TBC1D9B: variants seen among roughly 807,000 people sequenced by gnomAD.
TBC1D9B encodes TBC1 domain family member 9B.
TBC1D9B carries 87 observed loss-of-function variants against 121.1 expected under a neutral mutation model. That is an observed-to-expected ratio of 0.72 (90% CI 0.60 to 0.86). The LOEUF is 0.86. Among genes scored for constraint, TBC1D9B ranks in the 40% least tolerant of loss-of-function variants. The pLI is 0.00. For missense variants in TBC1D9B, 1,540 were observed against 1,628.6 expected (o/e 0.95, Z 0.94); for synonymous variants, 668 against 670.1 (o/e 1.00, Z 0.05).
At chr5:179,892,827 G>A (rs2113638309) in intron 5 of TBC1D9B, among the ~76,000 whole-genome samples, 2 of 152,332 alleles carry the variant, frequency 1.3e-5, no homozygotes, top group Middle Eastern at 6.8e-3. Context: ...AGAACACCCT[G>A]GCTGAGGTGG....
chr5:179,875,045 G>A lies in TBC1D9B; in HGVS notation c.2043C>T (p.Phe681=), dbSNP rs373049885. 12 of 1,614,118 alleles carry A rather than the reference G, an allele frequency of 7.4e-6. No individual in the cohort carries two copies. Among genetic ancestry groups the A allele is most frequent in the South Asian group, 5.5e-5 (5 of 91,088 alleles). Residue 681 remains phenylalanine (F), a synonymous_variant, in exon 12 of 21, where the codon TTC becomes TTT. Transcript: ENST00000355235. This position sits in a 1 kb window ranked among gnomAD's most constrained non-coding sequence, Gnocchi z 4.5. ...AGTCGACGATGACCACGGCGCTCTCGAAGGGCATGACGCTGAGGAAGAGGG... is the reference window on the plus strand; with the variant it reads ...AGTCGACGATGACCACGGCGCTCTCAAAGGGCATGACGCTGAGGAAGAGGG... ...FLTLFLSVMP[F]ESAVVIVDCF... is the part of the protein sequence containing the mutation.
rs1366160433 is a variant in TBC1D9B, at chr5:179,904,259, G to C, written c.229+443C>G. Among the ~76,000 whole-genome samples the C allele has an allele frequency of 1.3e-4, 17 of 130,462 alleles. No homozygotes were observed. The highest frequency in any genetic ancestry group is 5.3e-4 in the African/African-American group (17 of 31,894). 85.6% of individuals were successfully genotyped at this position (130,462 alleles called of 152,430 possible). ...TTTTTTTTTGAGACGGAATCTCGCT[G>C]TGTCGCCCAGGCTGGAGTGCAGTGG... On this transcript the variant is annotated intron_variant, in intron 2 of 20. Transcript: ENST00000355235. The surrounding 1 kb of genome is among the most constrained non-coding windows in gnomAD (Gnocchi z 4.2).
chr5:179,894,652 A>G lies in TBC1D9B; in HGVS notation c.349-38T>C, dbSNP rs368963184. 4.0e-5 allele frequency: 65 copies of G among 1,605,914 alleles called. No homozygotes were observed. In the Middle Eastern group the frequency reaches 4.9e-4, roughly 12 times the overall value. On this transcript the variant is annotated intron_variant, in intron 3 of 20. Coordinates refer to ENST00000355235, the MANE Select transcript of TBC1D9B (RefSeq NM_015043.4). ...AAGAGGACAAGGGCTTGCCCTGCAC[A>G]GTCCCGGACAGGTCAAAGGGTGGAG...
chr5:179,869,745 G>T, intron 17 of TBC1D9B, 24 bp downstream of exon 17: 1 of 1,611,354 alleles, frequency 6.2e-7, no homozygotes, highest in South Asian at 1.1e-5. Context: ...GACCCTGGCT[G>T]GGGAGTGGGC....
At position 179,891,298 on chromosome 5, in the gene TBC1D9B, A is replaced by G; in HGVS notation, c.1044+81T>C. 2 of 1,519,144 alleles carry G rather than the reference A, an allele frequency of 1.3e-6. No individual in the cohort carries two copies. Among genetic ancestry groups the G allele is most frequent in the East Asian group, 2.3e-5 (1 of 44,132 alleles). The allele number at this position is 1,519,144 out of a possible 1,614,324, so 94.1% of individuals were successfully genotyped here. On this transcript the variant is annotated intron_variant, in intron 6 of 20. Coordinates refer to ENST00000355235, the MANE Select transcript of TBC1D9B (RefSeq NM_015043.4). This position sits in a 1 kb window ranked among gnomAD's most constrained non-coding sequence, Gnocchi z 4.3. Reference sequence around the variant, plus strand: ...CAGGTACCCCCCAGTGAGACAGGGCAGAGCAGGACAGGCTGGTCCCTGAGC... The same window carrying G: ...CAGGTACCCCCCAGTGAGACAGGGCGGAGCAGGACAGGCTGGTCCCTGAGC...
chr5:179,885,071 C>T lies in TBC1D9B; in HGVS notation c.1254+3032G>A, dbSNP rs1027535818. On this transcript the variant is annotated intron_variant, in intron 7 of 20. Coordinates refer to ENST00000355235, the MANE Select transcript of TBC1D9B (RefSeq NM_015043.4). This position sits in a 1 kb window ranked among gnomAD's most constrained non-coding sequence, Gnocchi z 4.5. ...GATGCTCGACTCCATCATCTTGTGC[C>T]CCTGCTTCTGTGATGGGCTCCAGCC... is the stretch of plus-strand genomic sequence containing the variant. 3.3e-5 allele frequency among the ~76,000 whole-genome samples: 5 copies of T among 152,130 alleles called. No individual in the cohort carries two copies. Among genetic ancestry groups the T allele is most frequent in the Admixed American group, 6.5e-5 (1 of 15,280 alleles).
In TBC1D9B at chr5:179,874,810, G is replaced by A; in HGVS notation, c.2186+92C>T. On this transcript the variant is annotated intron_variant, in intron 12 of 20. Coordinates refer to ENST00000355235, the MANE Select transcript of TBC1D9B (RefSeq NM_015043.4). This position sits in a 1 kb window ranked among gnomAD's most constrained non-coding sequence, Gnocchi z 4.3. ...CCAGCTGCAGCCTGGCACTTGGTGG[G>A]CACAGTCACTTCAGGCTGACTGGAC... The A allele has an allele frequency of 2.0e-6, 3 of 1,526,752 alleles. No individual in the cohort carries two copies. The highest frequency in any genetic ancestry group is 2.6e-6 in the Non-Finnish European group (3 of 1,137,680). 94.6% of individuals were successfully genotyped at this position (1,526,752 alleles called of 1,614,324 possible).
chr5:179,868,397 T>A (rs1760084471), intron 17 of TBC1D9B: 1 of 152,234 alleles, frequency 6.6e-6, no homozygotes, highest in Non-Finnish European at 1.5e-5. Context: ...GCCAGGCTGG[T>A]CTCCAACTCC....
At chr5:179,867,154 T>G in intron 18 of TBC1D9B, 1 of 340,026 alleles carries the variant, frequency 2.9e-6, no homozygotes. Flanking sequence ...ATGACAGCAT[T>G]TTGTATTTGT....
rs562776499 is a variant in TBC1D9B, at chr5:179,879,460, C to CA, written c.1416+167dup. The stretch of plus-strand genomic sequence containing the variant: ...CACTGAGCAGGTCAGCGGAGCCCCC[C>CA]AGAGAGTGCCTGCTCCGTCTCACGC... On this transcript the variant is annotated intron_variant, in intron 8 of 20. Coordinates refer to ENST00000355235, the MANE Select transcript of TBC1D9B (RefSeq NM_015043.4). 313 of 1,158,200 alleles carry CA rather than the reference C, an allele frequency of 2.7e-4. No individual in the cohort carries two copies. In the African/African-American group the frequency reaches 4.3e-3, roughly 16 times the overall value. 71.7% of individuals were successfully genotyped at this position (1,158,200 alleles called of 1,614,324 possible).
intron 6 of TBC1D9B, among the ~76,000 whole-genome samples, chr5:179,889,036 C>CT (rs111357925): frequency 0.023 from 3,365 of 145,480 alleles, 82 homozygotes; most frequent in African/African-American, 0.055. Context: ...TGAGTGTGCA[C>CT]TTTTTTTTTT....
rs915450782 is a variant in TBC1D9B, at chr5:179,875,602, T to C, written c.1900+318A>G. On this transcript the variant is annotated intron_variant, in intron 11 of 20. Transcript: ENST00000355235. This position sits in a 1 kb window ranked among gnomAD's most constrained non-coding sequence, Gnocchi z 4.5. Reference sequence around the variant, plus strand: ...TAAATATGAACCTAATTAAACACTCTTGCAAGTCCATTTCCACTTCATAAC... The same window carrying C: ...TAAATATGAACCTAATTAAACACTCCTGCAAGTCCATTTCCACTTCATAAC... Among the ~76,000 whole-genome samples the C allele has an allele frequency of 6.6e-6, 1 of 152,112 alleles. No individual in the cohort carries two copies. Among genetic ancestry groups the C allele is most frequent in the African/African-American group, 2.4e-5 (1 of 41,418 alleles).
Position 179,891,642 on chromosome 5 carries a change from A to T in TBC1D9B, c.837-56T>A. On this transcript the variant is annotated intron_variant, in intron 5 of 20. Transcript: ENST00000355235. This position sits in a 1 kb window ranked among gnomAD's most constrained non-coding sequence, Gnocchi z 4.3. ...AAGGGGACAAGGTCAGGACCAGCACACTCTCAAGGAAGCCTTGGGGCCTCC... is the reference window on the plus strand; with the variant it reads ...AAGGGGACAAGGTCAGGACCAGCACTCTCTCAAGGAAGCCTTGGGGCCTCC... The T allele has an allele frequency of 6.3e-7, 1 of 1,585,716 alleles. No homozygotes were observed. Among genetic ancestry groups the T allele is most frequent in the Non-Finnish European group, 8.6e-7 (1 of 1,164,376 alleles).
At chr5:179,866,486 G>C in intron 18 of TBC1D9B, 1 of 152,412 alleles carries the variant, frequency 6.6e-6, no homozygotes, top group Non-Finnish European at 1.5e-5. Context: ...GCTGGTGGGG[G>C]CACCTCAGGC....
In TBC1D9B at chr5:179,890,759, G is replaced by T. The variant is rs1332433190; in HGVS notation, c.1044+620C>A. The stretch of plus-strand genomic sequence containing the variant: ...TCTCATGCCTTCTATTTGGGCAAGG[G>T]CCCTTGTCCTTGCTGTCCACACCCC... On this transcript the variant is annotated intron_variant, in intron 6 of 20. Coordinates refer to ENST00000355235, the MANE Select transcript of TBC1D9B (RefSeq NM_015043.4). The surrounding 1 kb of genome is among the most constrained non-coding windows in gnomAD (Gnocchi z 5.0). Among the ~76,000 whole-genome samples the T allele has an allele frequency of 3.9e-5, 6 of 152,238 alleles. No individual in the cohort carries two copies. Among genetic ancestry groups the T allele is most frequent in the Non-Finnish European group, 8.8e-5 (6 of 68,038 alleles).
chr5:179,870,514 T>A lies in TBC1D9B; in HGVS notation c.2485-19A>T. 6.3e-7 allele frequency: 1 copy of A among 1,595,182 alleles called. No individual in the cohort carries two copies. The highest frequency in any genetic ancestry group is 8.5e-7 in the Non-Finnish European group (1 of 1,174,312). ...GCTTGGCCTGTGGGACACGGTCTGG[T>A]GAGACGGTCCAGCCGCTAAGCCTGT... On this transcript the variant is annotated intron_variant, in intron 15 of 20. Coordinates refer to ENST00000355235, the MANE Select transcript of TBC1D9B (RefSeq NM_015043.4).
At chr5:179,900,195 C>CA (rs1761128371) in intron 2 of TBC1D9B, among the ~76,000 whole-genome samples, 2 of 152,072 alleles carry the variant, frequency 1.3e-5, no homozygotes, top group Non-Finnish European at 2.9e-5. Flanking sequence ...GACCTCGTCT[C>CA]AAAAAACAAA....
chr5:179,867,832 C>A lies in TBC1D9B; in HGVS notation c.2809G>T (p.Ala937Ser). Residue 937 changes from alanine to serine, a missense_variant, in exon 18 of 21, where the codon GCC (alanine) becomes TCC (serine). Ala to Ser is a moderately conservative substitution (Grantham distance 99). Transcript: ENST00000355235. Reference protein sequence around the residue: ...HLPPALSPEEAESALEAAHYF... With the variant: ...HLPPALSPEESESALEAAHYF... ...TGGGCCGCCTCCAGGGCTGACTCGG[C>A]TTCCTCTGGGCTCAGAGCTGTGCTT... The A allele has an allele frequency of 6.6e-7, 1 of 1,526,284 alleles. No individual in the cohort carries two copies. Among genetic ancestry groups the A allele is most frequent in the Non-Finnish European group, 8.8e-7 (1 of 1,136,472 alleles). 94.5% of individuals were successfully genotyped at this position (1,526,284 alleles called of 1,614,324 possible). A position where few individuals can be genotyped will look rare whatever the true frequency, so the allele number is the denominator to read the frequency against.
intron 7 of TBC1D9B, among the ~76,000 whole-genome samples, chr5:179,886,003 T>C (rs1310730905): frequency 6.6e-6 from 1 of 152,216 alleles, no homozygotes; most frequent in African/African-American, 2.4e-5. Flanking sequence ...GTCTCCCAGC[T>C]TGCTGTGCTC....
Sources: gnomAD v4.1 joint callset for allele counts (sites outside exome capture counted in the v4.1 genomes callset) on GRCh38, gnomAD v4.1.1 for gene constraint, Gnocchi (gnomAD v3.1) non-coding constraint, MANE v1.5 for transcripts, NCBI Gene and HGNC (gene_info 2026-07-23, HGNC 2026-07-21) for gene names.